BMP5: variants seen among roughly 807,000 people sequenced by gnomAD.
BMP5 encodes the protein bone morphogenetic protein 5.
A neutral mutation model predicts 46.6 loss-of-function variants in BMP5; 23 were observed. That is an observed-to-expected ratio of 0.49 (90% CI 0.35 to 0.70). BMP5 has a LOEUF of 0.70. Ranked by LOEUF, BMP5 falls within the 30% of genes least tolerant of loss-of-function variation. The pLI is 0.00. For synonymous variants in BMP5, 204 were observed against 191.9 expected (o/e 1.06, Z -0.52); for missense variants, 545 against 565.6 (o/e 0.96, Z 0.37).
intron 1 of BMP5, among the ~76,000 whole-genome samples, chr6:55,870,571 G>A (rs970481275): frequency 6.6e-6 from 1 of 152,080 alleles, no homozygotes; most frequent in Non-Finnish European, 1.5e-5. Context: ...TGTTACACAA[G>A]TGTTAATAAC....
At chr6:55,832,520 C>A (rs2127542611) in intron 1 of BMP5, among the ~76,000 whole-genome samples, 1 of 152,262 alleles carries the variant, frequency 6.6e-6, no homozygotes, top group African/African-American at 2.4e-5. Flanking sequence ...AAATATCTAG[C>A]TTTGTGCTTC....
At position 55,806,105 on chromosome 6, in the gene BMP5, G is replaced by A. The variant is rs547865221; in HGVS notation, c.684-11678C>T. Among the ~76,000 whole-genome samples, 9 of 152,146 alleles carry A rather than the reference G, an allele frequency of 5.9e-5. No individual in the cohort carries two copies. In the South Asian group the frequency reaches 1.9e-3, roughly 32 times the overall value. ...TCATTTATTACTTTTGGCTTTTGTT[G>A]CAATTGCTTTTGGCATTTTCATCAT... On this transcript the variant is annotated intron_variant, in intron 2 of 6. Coordinates refer to ENST00000370830, the MANE Select transcript of BMP5 (RefSeq NM_021073.4).
chr6:55,846,667 G>C (rs2127547700), intron 1 of BMP5, among the ~76,000 whole-genome samples: 2 of 151,802 alleles, frequency 1.3e-5, no homozygotes, highest in South Asian at 4.2e-4. Context: ...AAATCTCCCT[G>C]AATGTCTGCT....
intron 1 of BMP5, among the ~76,000 whole-genome samples, chr6:55,862,482 C>T (rs1562076500): frequency 6.6e-6 from 1 of 152,126 alleles, no homozygotes; most frequent in Non-Finnish European, 1.5e-5. Flanking sequence ...GCAAAGTAAA[C>T]ATTGTATACA....
At chr6:55,757,942 C>A (rs1490225138) in intron 6 of BMP5, among the ~76,000 whole-genome samples, 1 of 151,884 alleles carries the variant, frequency 6.6e-6, no homozygotes, top group Non-Finnish European at 1.5e-5. Flanking sequence ...TGCCAGTTCA[C>A]AGATATCATT....
At chr6:55,856,966 T>C (rs1406520415) in intron 1 of BMP5, among the ~76,000 whole-genome samples, 1 of 152,172 alleles carries the variant, frequency 6.6e-6, no homozygotes, top group Non-Finnish European at 1.5e-5. Flanking sequence ...CATCTTTACC[T>C]TAAACATTTT....
chr6:55,851,189 AT>A (rs1183141736), intron 1 of BMP5, among the ~76,000 whole-genome samples: 123 of 140,984 alleles, frequency 8.7e-4, no homozygotes, highest in African/African-American at 2.9e-3. Context: ...GCTATTTATC[AT>A]TTTTTTTCTC....
chr6:55,871,303 T>G (rs556112548), intron 1 of BMP5, among the ~76,000 whole-genome samples: 1 of 151,998 alleles, frequency 6.6e-6, no homozygotes, highest in South Asian at 2.1e-4. Context: ...CCACTGATAT[T>G]CAACAGTTTT....
chr6:55,874,474 C>G lies in BMP5; in HGVS notation c.392G>C (p.Arg131Pro). The G allele has an allele frequency of 6.2e-7, 1 of 1,613,238 alleles. No individual in the cohort carries two copies. Among genetic ancestry groups the G allele is most frequent in the Non-Finnish European group, 8.5e-7 (1 of 1,179,606 alleles). The change falls in exon 1 of 7, where the codon CGG (arginine) becomes CCG (proline). Residue 131 changes from arginine to proline, a missense_variant. Transcript: ENST00000370830. ...NGYPRRIQLS[R>P]TTPLTTQSPP... ...ACTCTGGGTGGTCAGAGGAGTCGTCCGAGATAACTGTATGCGACGAGGATA... is the reference window on the plus strand; with the variant it reads ...ACTCTGGGTGGTCAGAGGAGTCGTCGGAGATAACTGTATGCGACGAGGATA...
rs1775281634 is a variant in BMP5 at position 55,780,410 on chromosome 6, GAAGATCGA to G, written c.833-6175_833-6168del. Among the ~76,000 whole-genome samples the G allele has an allele frequency of 1.0e-4, 12 of 120,306 alleles. No homozygotes were observed. The Admixed American group carries it at 1.3e-3, about 13-fold the overall frequency. 78.9% of individuals were successfully genotyped at this position (120,306 alleles called of 152,430 possible). On this transcript the variant is annotated intron_variant, in intron 3 of 6. Coordinates refer to ENST00000370830, the MANE Select transcript of BMP5 (RefSeq NM_021073.4). ...CCAAGGTGGGCCAATCACAAGGTCA[GAAGATCGA>G]GACCATTCTGGTTAACACAGTGAAA...
intron 4 of BMP5, among the ~76,000 whole-genome samples, chr6:55,773,759 C>A (rs534981026): frequency 6.6e-6 from 1 of 152,006 alleles, no homozygotes; most frequent in African/African-American, 2.4e-5. Context: ...AGTCATGTAG[C>A]TCAGTTCTGG....
chr6:55,865,473 G>A (rs1456601750), intron 1 of BMP5: 2 of 481,540 alleles, frequency 4.2e-6, no homozygotes, highest in Non-Finnish European at 4.2e-6. Context: ...GTCCTCAGAG[G>A]AAAGCACCAC....
At chr6:55,834,498 C>A (rs9475419) in intron 1 of BMP5, among the ~76,000 whole-genome samples, 34 of 152,012 alleles carry the variant, frequency 2.2e-4, no homozygotes, top group Non-Finnish European at 4.7e-4. Flanking sequence ...TCAAAGGGAA[C>A]CTTGCACTCA....
chr6:55,798,632 A>G (rs1775772535), intron 2 of BMP5, among the ~76,000 whole-genome samples: 1 of 152,194 alleles, frequency 6.6e-6, no homozygotes. Flanking sequence ...GATTTGTAGT[A>G]TCAAATAAGC....
intron 4 of BMP5, among the ~76,000 whole-genome samples, chr6:55,773,374 C>A (rs1775091458): frequency 6.6e-6 from 1 of 151,892 alleles, no homozygotes; most frequent in Non-Finnish European, 1.5e-5. Context: ...TACGATTAAG[C>A]CACTACAAAT....
At chr6:55,785,882 T>G (rs1025771942) in intron 3 of BMP5, among the ~76,000 whole-genome samples, 2 of 151,644 alleles carry the variant, frequency 1.3e-5, no homozygotes, top group Admixed American at 1.3e-4. Flanking sequence ...TTAGATTGAG[T>G]TTTATGTTTT....
intron 2 of BMP5, among the ~76,000 whole-genome samples, chr6:55,819,410 A>G (rs1776354808): frequency 1.3e-5 from 2 of 152,160 alleles, no homozygotes; most frequent in Non-Finnish European, 1.5e-5. Context: ...TAGAAAGCAC[A>G]TTTTTAGAAG....
chr6:55,848,243 A>T (rs1329837478), intron 1 of BMP5, among the ~76,000 whole-genome samples: 1 of 151,584 alleles, frequency 6.6e-6, no homozygotes, highest in African/African-American at 2.4e-5. Flanking sequence ...AATTCAGCTG[A>T]CTCCTGGTTT....
chr6:55,848,277 T>G (rs1458229759), intron 1 of BMP5, among the ~76,000 whole-genome samples: 1 of 151,936 alleles, frequency 6.6e-6, no homozygotes, highest in Non-Finnish European at 1.5e-5. Flanking sequence ...AGCTGTCACT[T>G]TGGTATAATC....
Sources: allele counts gnomAD v4.1 joint callset (sites outside exome capture counted in the v4.1 genomes callset), GRCh38; gene constraint gnomAD v4.1.1; transcripts MANE v1.5; gene names NCBI Gene and HGNC (gene_info 2026-07-23, HGNC 2026-07-21).